Variants in PTP4A1 observed in about 807,000 individuals in gnomAD.
The protein encoded by PTP4A1 is protein tyrosine phosphatase 4A1, also known as protein tyrosine phosphatase type IVA 1.
PTP4A1 carries 9 observed loss-of-function variants against 20.5 expected under a neutral mutation model. The ratio of observed to expected loss-of-function variants is 0.44; its 90% CI spans 0.26 to 0.77. PTP4A1 has a LOEUF of 0.77. PTP4A1 is among the 30% of genes least tolerant of loss of function. The pLI is 0.19. For missense variants in PTP4A1, 137 were observed against 218.8 expected (o/e 0.63, Z 2.36); for synonymous variants, 78 against 67.4 (o/e 1.16, Z -0.77).
intron 1 of PTP4A1, among the ~76,000 whole-genome samples, chr6:63,526,803 G>GTATATATA (rs376671990): frequency 0.021 from 2,141 of 101,268 alleles, 30 homozygotes; most frequent in Middle Eastern, 0.039. Context: ...TCTCAAAAAT[G>GTATATATA]TATATATATA....
intron 1 of PTP4A1, among the ~76,000 whole-genome samples, chr6:63,573,856 C>T (rs867693267): frequency 6.6e-6 from 1 of 152,290 alleles, no homozygotes; most frequent in African/African-American, 2.4e-5. Context: ...TTTCCCCTGC[C>T]AATTTTGGAA....
intron 3 of PTP4A1, among the ~76,000 whole-genome samples, chr6:63,564,621 A>G (rs532645743): frequency 1.3e-5 from 2 of 152,230 alleles, no homozygotes; most frequent in Admixed American, 6.5e-5. Context: ...TTGCCATAGC[A>G]TGCATATCCA....
At position 63,578,427 on chromosome 6, in the gene PTP4A1, T is replaced by G. The variant is rs747303221; in HGVS notation, c.106-10T>G. ...AACATTAAGATTTTTTTAATGTACG[T>G]TTTATCCAGGAACTTAAGAAGTATG... On this transcript the variant is annotated splice_polypyrimidine_tract_variant and intron_variant, in intron 2 of 5. Coordinates refer to ENST00000626021, the MANE Select transcript of PTP4A1 (RefSeq NM_003463.5). 1.3e-6 allele frequency: 2 copies of G among 1,598,530 alleles called. No homozygotes were observed. Among genetic ancestry groups the G allele is most frequent in the Middle Eastern group, 3.5e-4 (2 of 5,760 alleles).
At chr6:63,570,014 A>G (rs944953911), upstream of PTP4A1, among the ~76,000 whole-genome samples, 3 of 152,216 alleles carry the variant, frequency 2.0e-5, no homozygotes, top group African/African-American at 7.2e-5. Context: ...GTGAACCACA[A>G]TGGCAGCTGA....
intron 2 of PTP4A1, among the ~76,000 whole-genome samples, chr6:63,548,210 C>T (rs781757133): frequency 1.4e-4 from 22 of 152,146 alleles, no homozygotes; most frequent in Non-Finnish European, 2.8e-4. Context: ...TTCTGCATTA[C>T]TGTTATTTAT....
intron 2 of PTP4A1, among the ~76,000 whole-genome samples, chr6:63,541,368 C>G (rs1775963174): frequency 6.6e-6 from 1 of 151,952 alleles, no homozygotes. Context: ...GCCTGGCCAA[C>G]ATAGTGAAAC....
intron 3 of PTP4A1, among the ~76,000 whole-genome samples, chr6:63,551,202 A>T (rs998802432): frequency 2.0e-5 from 3 of 151,966 alleles, no homozygotes; most frequent in Non-Finnish European, 4.4e-5. Flanking sequence ...AATAGCTGGG[A>T]CTACAGGGGC....
At chr6:63,530,504 C>T (rs1775406511) in intron 2 of PTP4A1, among the ~76,000 whole-genome samples, 2 of 152,110 alleles carry the variant, frequency 1.3e-5, no homozygotes, top group Admixed American at 6.5e-5. Flanking sequence ...TACAGTCACA[C>T]AGGCTATTTA....
chr6:63,556,300 A>G (rs2149492950), intron 3 of PTP4A1, among the ~76,000 whole-genome samples: 2 of 150,656 alleles, frequency 1.3e-5, no homozygotes, highest in South Asian at 4.2e-4. Context: ...CTAGGAATAC[A>G]GGTGTATAAC....
chr6:63,549,112 G>A (rs1025339375), intron 2 of PTP4A1: 16 of 700,670 alleles, frequency 2.3e-5, no homozygotes, highest in Non-Finnish European at 3.6e-5. Context: ...AGGACAGGTG[G>A]TCTCTTAGTG....
chr6:63,568,305 A>G (rs1275592487), upstream of PTP4A1, among the ~76,000 whole-genome samples: 1 of 152,172 alleles, frequency 6.6e-6, no homozygotes, highest in Non-Finnish European at 1.5e-5. Context: ...TCTTCCTTTC[A>G]CTTGAACACT....
chr6:63,536,603 A>T (rs1775737851), intron 2 of PTP4A1, among the ~76,000 whole-genome samples: 1 of 152,190 alleles, frequency 6.6e-6, no homozygotes, highest in Non-Finnish European at 1.5e-5. Context: ...AAATTGATGT[A>T]TGACTTTATA....
intron 1 of PTP4A1, among the ~76,000 whole-genome samples, chr6:63,574,244 TACAC>T (rs1432618327): frequency 3.3e-5 from 5 of 152,222 alleles, no homozygotes; most frequent in Non-Finnish European, 7.3e-5. Flanking sequence ...ACAAAGGAGT[TACAC>T]ACATTAATTG....
intron 3 of PTP4A1, among the ~76,000 whole-genome samples, chr6:63,555,223 C>A (rs531496415): frequency 1.0e-3 from 152 of 152,250 alleles, no homozygotes; most frequent in Middle Eastern, 3.4e-3. Context: ...TTAGAGGCTG[C>A]CCCGAGTAGA....
Position 63,523,393 on chromosome 6 carries a change from G to A in PTP4A1, c.-906+1567G>A, listed in dbSNP as rs147197265. Among the ~76,000 whole-genome samples, 852 of 152,108 alleles carry A rather than the reference G, an allele frequency of 5.6e-3. 9 individuals are homozygous for A. Among genetic ancestry groups the A allele is most frequent in the South Asian group, 0.028 (136 of 4,822 alleles). Reference sequence around the variant, plus strand: ...ACTAGAAAACACAAAAATTAGCCAGGCATGATGGGGCATGCCTGTAGTCCC... The same window carrying A: ...ACTAGAAAACACAAAAATTAGCCAGACATGATGGGGCATGCCTGTAGTCCC... On this transcript the variant is annotated intron_variant, in intron 1 of 3. Transcript: ENST00000639568.
intron 2 of PTP4A1, among the ~76,000 whole-genome samples, chr6:63,528,356 G>A (rs1189432472): frequency 6.6e-6 from 1 of 152,120 alleles, no homozygotes. Context: ...AGCTACTCTG[G>A]AGGCTGAGGT....
chr6:63,520,503 T>C (rs1413084739), upstream of PTP4A1, among the ~76,000 whole-genome samples: 9 of 152,156 alleles, frequency 5.9e-5, no homozygotes, highest in South Asian at 2.1e-4. Flanking sequence ...GGCACATGCC[T>C]GTAATCCCAG....
At chr6:63,539,681 A>C (rs1339444023) in intron 2 of PTP4A1, among the ~76,000 whole-genome samples, 2 of 152,052 alleles carry the variant, frequency 1.3e-5, no homozygotes, top group Non-Finnish European at 2.9e-5. Context: ...AGGCAGGGGA[A>C]TTGCTTGAAC....
At chr6:63,578,836 A>G (rs1222158927) in intron 3 of PTP4A1, 62 bp from the exon 4 acceptor site, 1 of 1,361,486 alleles carries the variant, frequency 7.3e-7, no homozygotes. Flanking sequence ...TTAGAAATTT[A>G]GAATTATTAC....
Sources: gnomAD v4.1 joint callset for allele counts (sites outside exome capture counted in the v4.1 genomes callset) on GRCh38, gnomAD v4.1.1 for gene constraint, MANE v1.5 for transcripts, NCBI Gene and HGNC (gene_info 2026-07-23, HGNC 2026-07-21) for gene names.